SLC38A4: variants seen among roughly 807,000 people sequenced by gnomAD.
SLC38A4 encodes sodium-coupled neutral amino acid transporter 4.
SLC38A4 carries 20 observed loss-of-function variants against 63.1 expected under a neutral mutation model. The ratio of observed to expected loss-of-function variants is 0.32; its 90% CI spans 0.22 to 0.46. The LOEUF is 0.46. Ranked by LOEUF, SLC38A4 falls within the 20% of genes least tolerant of loss-of-function variation. The pLI is 1.00. For missense variants in SLC38A4, 526 were observed against 663.6 expected, an observed-to-expected ratio of 0.79 and a Z score of 2.28; for synonymous variants, 230 against 225.5, an observed-to-expected ratio of 1.02 and a Z score of -0.18.
At chr12:46,787,185 C>T (rs1233938378) in intron 5 of SLC38A4, among the ~76,000 whole-genome samples, 1 of 152,188 alleles carries the variant, frequency 6.6e-6, no homozygotes, top group Non-Finnish European at 1.5e-5. Flanking sequence ...CAAATATTGC[C>T]TGTACCAGGC....
intron 2 of SLC38A4, among the ~76,000 whole-genome samples, chr12:46,800,446 C>T (rs1450400576): frequency 2.0e-5 from 3 of 152,000 alleles, no homozygotes; most frequent in African/African-American, 7.2e-5. Context: ...CTTTCATTTC[C>T]CCACTGCCAC....
Position 46,779,656 on chromosome 12 carries a change from A to G in SLC38A4, c.672T>C (p.Tyr224=). 3 of 1,607,800 alleles carry G rather than the reference A, an allele frequency of 1.9e-6. No homozygotes were observed. Among genetic ancestry groups the G allele is most frequent in the Non-Finnish European group, 2.5e-6 (3 of 1,177,892 alleles). The change falls in exon 10 of 17, where the codon TAT becomes TAC. Residue 224 remains tyrosine (Y), a synonymous_variant. Transcript: ENST00000266579. Reference sequence around the variant, plus strand: ...TGCAGGTAAGAGAAAATCCACTGGTATAGCCAAGATAACCTAGAAGTTAGA... The same window carrying G: ...TGCAGGTAAGAGAAAATCCACTGGTGTAGCCAAGATAACCTAGAAGTTAGA... ...SLLKNLGYLG[Y]TSGFSLTCMV... is the part of the protein sequence containing the mutation.
intron 3 of SLC38A4, among the ~76,000 whole-genome samples, chr12:46,791,530 G>A (rs1000387486): frequency 2.0e-5 from 3 of 152,170 alleles, no homozygotes; most frequent in African/African-American, 7.2e-5. Flanking sequence ...AATAAAATGA[G>A]AAGTCTTTGT....
chr12:46,822,190 GAC>G (rs1939563641), intron 1 of SLC38A4, among the ~76,000 whole-genome samples: 1 of 152,038 alleles, frequency 6.6e-6, no homozygotes, highest in South Asian at 2.1e-4. Context: ...GTGTTATTTT[GAC>G]ACACACGTAC....
chr12:46,798,656 T>C (rs115456568), intron 2 of SLC38A4, among the ~76,000 whole-genome samples: 2,371 of 152,284 alleles, frequency 0.016, 56 homozygotes, highest in African/African-American at 0.053. Flanking sequence ...TTCATTTCAT[T>C]TGCATTAAGC....
intron 5 of SLC38A4, 139 bp downstream of exon 5, chr12:46,787,777 T>C (rs1040170840): frequency 3.4e-6 from 2 of 583,236 alleles, no homozygotes; most frequent in African/African-American, 3.8e-5. Flanking sequence ...GGGTTAGGGA[T>C]GGTTGGGTGA....
At chr12:46,772,805 A>T (rs759688857) in intron 14 of SLC38A4, among the ~76,000 whole-genome samples, 2 of 152,106 alleles carry the variant, frequency 1.3e-5, no homozygotes, top group Non-Finnish European at 2.9e-5. Context: ...AACACAAAAT[A>T]ATGCCTAAAG....
At chr12:46,804,568 C>T (rs1350128346) in intron 1 of SLC38A4, among the ~76,000 whole-genome samples, 1 of 151,982 alleles carries the variant, frequency 6.6e-6, no homozygotes, top group Non-Finnish European at 1.5e-5. Context: ...TAGATTACAA[C>T]AGATGTGTCA....
At chr12:46,786,916 C>T (rs187866257) in intron 5 of SLC38A4, among the ~76,000 whole-genome samples, 3 of 152,304 alleles carry the variant, frequency 2.0e-5, no homozygotes, top group East Asian at 1.9e-4. Flanking sequence ...AACTCTCTAG[C>T]GTTGCATTTG....
Position 46,810,993 on chromosome 12 carries a change from A to G in SLC38A4, c.-304-7199T>C, listed in dbSNP as rs58922859. ...GGAAAAAAATGATTGTTTTTTCCCC[A>G]TCTGCAAGAGATATTCTAAATAGAT... On this transcript the variant is annotated intron_variant, in intron 1 of 16. Coordinates refer to ENST00000266579, the MANE Select transcript of SLC38A4 (RefSeq NM_018018.5). Among the ~76,000 whole-genome samples the G allele has an allele frequency of 7.9e-3, 1,200 of 152,172 alleles. 19 individuals carry two copies. The highest frequency in any genetic ancestry group is 0.027 in the African/African-American group (1,128 of 41,560).
chr12:46,808,518 T>C (rs1237932583), intron 1 of SLC38A4, among the ~76,000 whole-genome samples: 2 of 72,732 alleles, frequency 2.7e-5, no homozygotes, highest in African/African-American at 1.2e-4. Flanking sequence ...ACAAGAAAAT[T>C]AAATTAAAAA....
At chr12:46,802,035 A>C (rs1939141497) in intron 2 of SLC38A4, among the ~76,000 whole-genome samples, 1 of 152,074 alleles carries the variant, frequency 6.6e-6, no homozygotes, top group African/African-American at 2.4e-5. Context: ...CCAAATACTA[A>C]GGTCTTTTCC....
chr12:46,804,821 G>A (rs1335702846), intron 1 of SLC38A4, among the ~76,000 whole-genome samples: 1 of 151,930 alleles, frequency 6.6e-6, no homozygotes, highest in Non-Finnish European at 1.5e-5. Context: ...AAGTATTGTG[G>A]TCTAGGGGAA....
intron 1 of SLC38A4, among the ~76,000 whole-genome samples, chr12:46,810,124 T>A (rs918424921): frequency 6.6e-6 from 1 of 152,062 alleles, no homozygotes; most frequent in African/African-American, 2.4e-5. Context: ...TAAATATTCA[T>A]GCTATATGCA....
chr12:46,780,784 A>G (rs1209031544), intron 7 of SLC38A4, among the ~76,000 whole-genome samples: 2 of 152,004 alleles, frequency 1.3e-5, no homozygotes, highest in Non-Finnish European at 2.9e-5. Flanking sequence ...GTATTCATAT[A>G]CATAACATTA....
rs1389793507 is a variant in SLC38A4 at position 46,766,382 on chromosome 12, T to C, written c.*319A>G. Reference sequence around the variant, plus strand: ...GAGGAGACGGCAGGGGAAAGAGTACTATCTGATGATTGTTACATGCAGTTA... The same window carrying C: ...GAGGAGACGGCAGGGGAAAGAGTACCATCTGATGATTGTTACATGCAGTTA... On this transcript the variant is annotated 3_prime_UTR_variant, in exon 17 of 17. Coordinates refer to ENST00000266579, the MANE Select transcript of SLC38A4 (RefSeq NM_018018.5). 1 of 482,208 alleles carries C rather than the reference T, an allele frequency of 2.1e-6. No individual in the cohort carries two copies. The highest frequency in any genetic ancestry group is 4.1e-6 in the Non-Finnish European group (1 of 244,496). The allele number at this position is 482,208 out of a possible 1,614,324, so 29.9% of individuals were successfully genotyped here.
chr12:46,773,537 A>C (rs1257458057), intron 14 of SLC38A4, among the ~76,000 whole-genome samples: 1 of 152,118 alleles, frequency 6.6e-6, no homozygotes, highest in Non-Finnish European at 1.5e-5. Context: ...ATGGCATCTA[A>C]TGTTTACACA....
At chr12:46,823,496 C>G (rs1939590503) in intron 1 of SLC38A4, among the ~76,000 whole-genome samples, 2 of 152,014 alleles carry the variant, frequency 1.3e-5, no homozygotes, top group Non-Finnish European at 2.9e-5. Context: ...ACTTTGGAAC[C>G]ACCATTGCCA....
At position 46,769,383 on chromosome 12, in the gene SLC38A4, T is replaced by G; in HGVS notation, c.1345A>C (p.Ser449Arg). 1.2e-6 allele frequency: 2 copies of G among 1,613,514 alleles called. No individual in the cohort carries two copies. Among genetic ancestry groups the G allele is most frequent in the Non-Finnish European group, 1.7e-6 (2 of 1,179,558 alleles). The change falls in exon 15 of 17, where the codon AGC (serine) becomes CGC (arginine). Residue 449 changes from serine to arginine, a missense_variant. Physicochemically the swap from Ser to Arg is moderately radical, Grantham distance 110. Transcript: ENST00000266579. ...ITLLFPKRPF[S>R]WIRHFLIAAV... ...GCAATCAGGAAATGTCGTATCCAGC[T>G]GAAGGGTCGTTTGGGAAATAACAGT... is the stretch of plus-strand genomic sequence containing the variant.
Sources: allele counts gnomAD v4.1 joint callset (sites outside exome capture counted in the v4.1 genomes callset), GRCh38; gene constraint gnomAD v4.1.1; transcripts MANE v1.5; gene names NCBI Gene and HGNC (gene_info 2026-07-23, HGNC 2026-07-21).